Variants in ANO4 observed in about 807,000 individuals in gnomAD.
The protein encoded by ANO4 is anoctamin-4.
In ANO4, 69 loss-of-function variants were observed where a neutral mutation model predicts 141.9. The observed-to-expected ratio is 0.49, with a 90% CI of 0.40 to 0.59. The LOEUF (loss-of-function observed/expected upper bound fraction) is 0.59. Among genes scored for constraint, ANO4 ranks in the 20% least tolerant of loss-of-function variants. The pLI, the probability that ANO4 is intolerant of heterozygous loss-of-function variation, is 0.00. For synonymous variants in ANO4, 350 were observed against 394.3 expected (o/e 0.89, Z 1.33); for missense variants, 894 against 1,162.2 (o/e 0.77, Z 3.36).
intron 17 of ANO4, among the ~76,000 whole-genome samples, chr12:101,090,291 A>T (rs1029370097): frequency 6.6e-6 from 1 of 152,244 alleles, no homozygotes; most frequent in South Asian, 2.1e-4. Flanking sequence ...ATAAAGACAC[A>T]TGCACACATA....
At chr12:101,066,997 C>CAAA (rs34416390) in intron 14 of ANO4, 493 of 181,352 alleles carry the variant, frequency 2.7e-3, no homozygotes, top group African/African-American at 9.2e-3. Context: ...TAAAGTATAA[C>CAAA]AAAAAAAAAA....
At chr12:101,064,451 T>C (rs945691873) in intron 14 of ANO4, among the ~76,000 whole-genome samples, 3 of 152,186 alleles carry the variant, frequency 2.0e-5, no homozygotes, top group South Asian at 2.1e-4. Context: ...CCAAGTACAT[T>C]TGAAAAGACT....
At chr12:100,860,750 G>T (rs2038426028) in intron 1 of ANO4, among the ~76,000 whole-genome samples, 1 of 152,166 alleles carries the variant, frequency 6.6e-6, no homozygotes, top group African/African-American at 2.4e-5. Context: ...CATTGGAAGA[G>T]ACAGATGATA....
intron 3 of ANO4, among the ~76,000 whole-genome samples, chr12:100,778,141 G>A (rs1044135834): frequency 1.3e-5 from 2 of 152,030 alleles, no homozygotes; most frequent in Non-Finnish European, 2.9e-5. Flanking sequence ...GGATGGTCTC[G>A]ATCTCCTGAC....
chr12:100,887,632 C>T (rs1169546793), intron 1 of ANO4, among the ~76,000 whole-genome samples: 1 of 152,112 alleles, frequency 6.6e-6, no homozygotes. Flanking sequence ...CTCTGTCAGA[C>T]AGTGAGCTCA....
chr12:100,975,442 GA>G (rs1356059530), intron 7 of ANO4, among the ~76,000 whole-genome samples: 1 of 128,024 alleles, frequency 7.8e-6, no homozygotes, highest in East Asian at 2.3e-4. Context: ...TTTTTTTTGA[GA>G]CAGAGTCTTG....
chr12:100,967,628 C>T (rs2043736984), intron 5 of ANO4, among the ~76,000 whole-genome samples: 1 of 151,510 alleles, frequency 6.6e-6, no homozygotes. Context: ...AGATATTCAT[C>T]GCCATTCAAG....
chr12:100,761,108 C>T (rs1467311052), intron 3 of ANO4, among the ~76,000 whole-genome samples: 2 of 152,146 alleles, frequency 1.3e-5, no homozygotes, highest in Non-Finnish European at 2.9e-5. Flanking sequence ...TCCATCCCTC[C>T]TTTTCTTTTT....
At chr12:100,949,035 G>A (rs1204480432) in intron 5 of ANO4, among the ~76,000 whole-genome samples, 1 of 152,134 alleles carries the variant, frequency 6.6e-6, no homozygotes. Flanking sequence ...CTAGGAGCTG[G>A]CATCCAGCTG....
chr12:101,044,403 C>T (rs1393420575), intron 13 of ANO4, among the ~76,000 whole-genome samples: 1 of 152,214 alleles, frequency 6.6e-6, no homozygotes, highest in Non-Finnish European at 1.5e-5. Flanking sequence ...ATTTCTTAGA[C>T]ATATTCCTCA....
chr12:100,729,690 T>G (rs1232499029), intron 1 of ANO4, among the ~76,000 whole-genome samples: 1 of 152,208 alleles, frequency 6.6e-6, no homozygotes, highest in Non-Finnish European at 1.5e-5. Context: ...CTTAAAGGAT[T>G]AAATGGATAT....
intron 5 of ANO4, among the ~76,000 whole-genome samples, chr12:100,943,473 A>G (rs543882802): frequency 6.6e-6 from 1 of 152,296 alleles, no homozygotes; most frequent in South Asian, 2.1e-4. Flanking sequence ...ATATGCATAT[A>G]CTTGTTATCT....
At chr12:100,800,061 A>C (rs147285587) in intron 1 of ANO4, among the ~76,000 whole-genome samples, 1 of 152,264 alleles carries the variant, frequency 6.6e-6, no homozygotes, top group African/African-American at 2.4e-5. Context: ...ATATCAAGCA[A>C]ATGTTTATGG....
At chr12:100,863,836 A>T (rs2038610609) in intron 1 of ANO4, among the ~76,000 whole-genome samples, 1 of 152,184 alleles carries the variant, frequency 6.6e-6, no homozygotes, top group Admixed American at 6.6e-5. Flanking sequence ...ATTCTTTATA[A>T]ACTACCCCGT....
At chr12:100,970,812 G>A (rs940595296) in intron 5 of ANO4, among the ~76,000 whole-genome samples, 5 of 151,740 alleles carry the variant, frequency 3.3e-5, no homozygotes, top group African/African-American at 4.8e-5. Context: ...TCCACCTTTC[G>A]GGTTCAAGCG....
Position 101,021,479 on chromosome 12 carries a change from G to A in ANO4, c.841+1339G>A, listed in dbSNP as rs541439387. 9.2e-5 allele frequency among the ~76,000 whole-genome samples: 14 copies of A among 152,264 alleles called. No homozygotes were observed. In the East Asian group the frequency reaches 2.7e-3, roughly 29 times the overall value. ...TGAATCAGCTGACAAAGGAGAAATA[G>A]TTACAATAGTTACATTATTGCAAAG... On this transcript the variant is annotated intron_variant, in intron 9 of 27. Coordinates refer to ENST00000392977, the MANE Select transcript of ANO4 (RefSeq NM_001286615.2).
Position 100,815,349 on chromosome 12 carries a change from A to C in ANO4, c.-141+20322A>C, listed in dbSNP as rs192201966. 2.0e-5 allele frequency among the ~76,000 whole-genome samples: 3 copies of C among 152,294 alleles called. No individual in the cohort carries two copies. The East Asian group carries it at 5.8e-4, about 29-fold the overall frequency. On this transcript the variant is annotated intron_variant, in intron 1 of 27. Coordinates refer to ENST00000392977, the MANE Select transcript of ANO4 (RefSeq NM_001286615.2). ...AATGATATAATCATTGACTTTGACA[A>C]GTCCTGGAACTTGCCTTTCAAAGTA...
chr12:100,863,515 C>T (rs17404116), intron 1 of ANO4, among the ~76,000 whole-genome samples: 16,110 of 152,046 alleles, frequency 0.11, 932 homozygotes, highest in South Asian at 0.16. Context: ...TGAAGGCTTT[C>T]GGCTGAGTTC....
At chr12:100,954,010 C>T (rs2136214867) in intron 5 of ANO4, among the ~76,000 whole-genome samples, 1 of 152,244 alleles carries the variant, frequency 6.6e-6, no homozygotes, top group South Asian at 2.1e-4. Context: ...GAGGCCCGAC[C>T]TAGTTGCAAA....
Sources: gnomAD v4.1 joint callset for allele counts (sites outside exome capture counted in the v4.1 genomes callset) on GRCh38, gnomAD v4.1.1 for gene constraint, MANE v1.5 for transcripts, NCBI Gene and HGNC (gene_info 2026-07-23, HGNC 2026-07-21) for gene names.